MCU: variants seen among roughly 807,000 people sequenced by gnomAD.
MCU encodes the protein mitochondrial calcium uniporter, also known as calcium uniporter protein, mitochondrial.
In MCU, 12 loss-of-function variants were observed where a neutral mutation model predicts 45.2. That is an observed-to-expected ratio of 0.27 (90% CI 0.17 to 0.43). The LOEUF (loss-of-function observed/expected upper bound fraction) is 0.43. MCU is among the 20% of genes least tolerant of loss of function. The pLI, the probability that MCU is intolerant of heterozygous loss-of-function variation, is 1.00. For missense variants in MCU, 324 were observed against 436.7 expected (o/e 0.74, Z 2.30); for synonymous variants, 160 against 165.1 (o/e 0.97, Z 0.24).
At chr10:72,864,990 A>G (rs895661399) in intron 4 of MCU, among the ~76,000 whole-genome samples, 2 of 152,182 alleles carry the variant, frequency 1.3e-5, no homozygotes, top group Non-Finnish European at 2.9e-5. Flanking sequence ...ATATATTCCT[A>G]TATAAAGTAT....
chr10:72,768,024 T>C (rs1843752221), intron 1 of MCU, among the ~76,000 whole-genome samples: 1 of 152,058 alleles, frequency 6.6e-6, no homozygotes, highest in Admixed American at 6.6e-5. Flanking sequence ...TAAAATGACT[T>C]GTACTATCTA....
intron 1 of MCU, among the ~76,000 whole-genome samples, chr10:72,821,222 C>CT (rs75872235): frequency 0.05 from 6,834 of 137,376 alleles, 491 homozygotes; most frequent in African/African-American, 0.16. Flanking sequence ...GTTTGTAAGA[C>CT]TTTTTTTTTT....
At chr10:72,863,279 C>G (rs978352895) in intron 4 of MCU, among the ~76,000 whole-genome samples, 1 of 152,200 alleles carries the variant, frequency 6.6e-6, no homozygotes, top group Non-Finnish European at 1.5e-5. Flanking sequence ...AATTTTGCTT[C>G]GTCCTTTTCT....
chr10:72,750,062 G>A (rs1428773919), intron 1 of MCU, among the ~76,000 whole-genome samples: 1 of 151,952 alleles, frequency 6.6e-6, no homozygotes, highest in Non-Finnish European at 1.5e-5. Flanking sequence ...TGGGATTACA[G>A]GTGTGAGCCA....
intron 1 of MCU, among the ~76,000 whole-genome samples, chr10:72,713,743 A>G (rs781225868): frequency 9.9e-5 from 15 of 152,066 alleles, no homozygotes; most frequent in Non-Finnish European, 2.2e-4. Context: ...ATGAACCAGA[A>G]TTTTTTTTAA....
intron 1 of MCU, among the ~76,000 whole-genome samples, chr10:72,829,119 G>A (rs1228217412): frequency 1.3e-5 from 2 of 152,058 alleles, no homozygotes; most frequent in South Asian, 2.1e-4. Context: ...TCAGGAGTTC[G>A]AGACCAGCCA....
At chr10:72,773,296 TAAAG>T (rs1843839610) in intron 1 of MCU, among the ~76,000 whole-genome samples, 1 of 151,974 alleles carries the variant, frequency 6.6e-6, no homozygotes, top group Non-Finnish European at 1.5e-5. Flanking sequence ...TTGAAATAAT[TAAAG>T]AAAAAACCCA....
At chr10:72,807,610 C>G (rs1361000934) in intron 1 of MCU, among the ~76,000 whole-genome samples, 2 of 151,966 alleles carry the variant, frequency 1.3e-5, no homozygotes, top group East Asian at 3.9e-4. Flanking sequence ...ATTATTTTGC[C>G]TCCTTTTACT....
At chr10:72,872,372 A>G (rs1845554870) in intron 6 of MCU, among the ~76,000 whole-genome samples, 1 of 152,026 alleles carries the variant, frequency 6.6e-6, no homozygotes, top group South Asian at 2.1e-4. Flanking sequence ...GTAATTTTGT[A>G]CCATTAACTA....
chr10:72,741,149 G>C (rs1423829842), intron 1 of MCU, among the ~76,000 whole-genome samples: 1 of 147,886 alleles, frequency 6.8e-6, no homozygotes, highest in Non-Finnish European at 1.5e-5. Flanking sequence ...CCCCAGCCTG[G>C]AGTGCAGTGG....
At chr10:72,823,703 T>C (rs1446249244) in intron 1 of MCU, among the ~76,000 whole-genome samples, 1 of 152,040 alleles carries the variant, frequency 6.6e-6, no homozygotes, top group East Asian at 1.9e-4. Context: ...TAGCTAAAGG[T>C]AGAGAAAGAG....
chr10:72,721,776 G>A (rs1189398328), intron 1 of MCU, among the ~76,000 whole-genome samples: 5 of 152,116 alleles, frequency 3.3e-5, no homozygotes, highest in African/African-American at 1.2e-4. Flanking sequence ...GTGCCTTGCT[G>A]TAGTGATGCA....
intron 4 of MCU, among the ~76,000 whole-genome samples, chr10:72,866,270 G>C (rs1845455134): frequency 6.6e-6 from 1 of 152,124 alleles, no homozygotes; most frequent in African/African-American, 2.4e-5. Context: ...GTATTTAAGA[G>C]GGATGACATT....
chr10:72,816,203 T>G (rs895886755), intron 1 of MCU, among the ~76,000 whole-genome samples: 2 of 152,090 alleles, frequency 1.3e-5, no homozygotes, highest in African/African-American at 4.8e-5. Flanking sequence ...GAGGGATCTT[T>G]TAGGAACTGG....
intron 1 of MCU, among the ~76,000 whole-genome samples, chr10:72,801,357 T>C (rs1374451295): frequency 2.7e-5 from 4 of 149,132 alleles, no homozygotes; most frequent in Non-Finnish European, 4.4e-5. Context: ...TGCTTTCTTT[T>C]TTTTTTTTTT....
At chr10:72,744,247 T>TA (rs1021143095) in intron 1 of MCU, among the ~76,000 whole-genome samples, 1 of 150,868 alleles carries the variant, frequency 6.6e-6, no homozygotes, top group African/African-American at 2.4e-5. Context: ...TTTTTTTTTT[T>TA]AAAGATTTTT....
intron 1 of MCU, among the ~76,000 whole-genome samples, chr10:72,695,574 G>A (rs1326583304): frequency 6.6e-6 from 1 of 152,086 alleles, no homozygotes; most frequent in African/African-American, 2.4e-5. Flanking sequence ...GTTCATTTCA[G>A]GTTACAGACT....
At position 72,764,315 on chromosome 10, in the gene MCU, G is replaced by A. The variant is rs530713301; in HGVS notation, c.151-70044G>A. Among the ~76,000 whole-genome samples the A allele has an allele frequency of 2.0e-5, 3 of 152,288 alleles. No homozygotes were observed. In the South Asian group the frequency reaches 6.2e-4, roughly 32 times the overall value. ...GACAGTGTAATCTTGTCTGCAGAAG[G>A]AACTTGTTATTTGAAGATATCAGAA... On this transcript the variant is annotated intron_variant, in intron 1 of 7. Coordinates refer to ENST00000373053, the MANE Select transcript of MCU (RefSeq NM_138357.3).
chr10:72,798,884 C>A (rs1435082895), intron 1 of MCU, among the ~76,000 whole-genome samples: 1 of 151,988 alleles, frequency 6.6e-6, no homozygotes, highest in Non-Finnish European at 1.5e-5. Context: ...AATTTTTATA[C>A]CTAAGATTCT....
Sources: allele counts gnomAD v4.1 joint callset (sites outside exome capture counted in the v4.1 genomes callset), GRCh38; gene constraint gnomAD v4.1.1; transcripts MANE v1.5; gene names NCBI Gene and HGNC (gene_info 2026-07-23, HGNC 2026-07-21).